Variants in ME3 observed in about 807,000 individuals in gnomAD.
The protein encoded by ME3 is malic enzyme 3.
In ME3, 48 loss-of-function variants were observed where a neutral mutation model predicts 68.9. That is an observed-to-expected ratio of 0.70 (90% CI 0.55 to 0.89). The LOEUF is 0.89. Ranked by LOEUF, ME3 falls within the 40% of genes least tolerant of loss-of-function variation. ME3 has a pLI of 0.00. For missense variants in ME3, 675 were observed against 797.4 expected (o/e 0.85, Z 1.85); for synonymous variants, 320 against 318.8 (o/e 1.00, Z -0.04).
chr11:86,590,828 A>G (rs1349582044), intron 2 of ME3, among the ~76,000 whole-genome samples: 1 of 152,218 alleles, frequency 6.6e-6, no homozygotes, highest in Non-Finnish European at 1.5e-5. Context: ...CAAGCAGGCA[A>G]GGATTGTTCC....
rs77329936 is a variant in ME3 at position 86,588,958 on chromosome 11, C to G, written c.184-29135G>C. ...GCTTGAGAGAGATTTCCTCCCCCTG[C>G]CCTCCCTCACCTCCCAGGGCCTGCT... On this transcript the variant is annotated intron_variant, in intron 2 of 14. Transcript: ENST00000543262. Among the ~76,000 whole-genome samples the G allele has an allele frequency of 8.3e-4, 127 of 152,290 alleles. 1 individual carries two copies. The Middle Eastern group carries it at 0.024, about 29-fold the overall frequency.
At chr11:86,607,155 A>G (rs999513066) in intron 2 of ME3, among the ~76,000 whole-genome samples, 2 of 152,158 alleles carry the variant, frequency 1.3e-5, no homozygotes, top group Non-Finnish European at 2.9e-5. Context: ...AATTCCATCA[A>G]CTTAACACAT....
intron 4 of ME3, among the ~76,000 whole-genome samples, chr11:86,545,342 T>G (rs11512882): frequency 0.072 from 10,941 of 152,138 alleles, 472 homozygotes; most frequent in Non-Finnish European, 0.1. Context: ...GAGAAAGAAA[T>G]AAAGGGTATT....
At chr11:86,651,147 C>A (rs1023786720) in intron 2 of ME3, among the ~76,000 whole-genome samples, 1 of 152,244 alleles carries the variant, frequency 6.6e-6, no homozygotes, top group African/African-American at 2.4e-5. Context: ...CTGCCTGCCT[C>A]TGTAGACTCC....
intron 2 of ME3, among the ~76,000 whole-genome samples, chr11:86,599,491 T>A (rs1194495377): frequency 1.3e-5 from 2 of 152,296 alleles, no homozygotes; most frequent in East Asian, 3.9e-4. Flanking sequence ...TACCTGAAAG[T>A]GACGGGGAGA....
At chr11:86,513,229 C>T (rs1279076156) in intron 4 of ME3, among the ~76,000 whole-genome samples, 1 of 152,168 alleles carries the variant, frequency 6.6e-6, no homozygotes, top group Non-Finnish European at 1.5e-5. Context: ...TAAGTTTGAG[C>T]TACTAAAATT....
At chr11:86,517,301 A>G (rs1239529263) in intron 4 of ME3, among the ~76,000 whole-genome samples, 1 of 152,186 alleles carries the variant, frequency 6.6e-6, no homozygotes, top group African/African-American at 2.4e-5. Flanking sequence ...CATAACCTGT[A>G]GAGTTCCAGA....
At chr11:86,663,886 C>G (rs1298207227) in intron 2 of ME3, among the ~76,000 whole-genome samples, 1 of 152,238 alleles carries the variant, frequency 6.6e-6, no homozygotes, top group Non-Finnish European at 1.5e-5. Flanking sequence ...TGTCAGTTGG[C>G]CCAGGTCTGG....
chr11:86,628,227 G>A (rs527416430), intron 2 of ME3, among the ~76,000 whole-genome samples: 4 of 152,242 alleles, frequency 2.6e-5, no homozygotes, highest in Non-Finnish European at 4.4e-5. Context: ...GTGAATAACA[G>A]TCAGTGTGGT....
chr11:86,629,209 C>T (rs926742869), intron 2 of ME3, among the ~76,000 whole-genome samples: 1 of 152,164 alleles, frequency 6.6e-6, no homozygotes, highest in South Asian at 2.1e-4. Context: ...TCTAGCATCT[C>T]GAGTTCATGT....
At chr11:86,599,162 G>A (rs1359091748) in intron 2 of ME3, among the ~76,000 whole-genome samples, 1 of 152,174 alleles carries the variant, frequency 6.6e-6, no homozygotes, top group Non-Finnish European at 1.5e-5. Flanking sequence ...TGAGCTACAG[G>A]AGGAAATTCA....
At chr11:86,603,412 C>T (rs1482498114) in intron 2 of ME3, among the ~76,000 whole-genome samples, 3 of 152,280 alleles carry the variant, frequency 2.0e-5, no homozygotes, top group East Asian at 3.9e-4. Flanking sequence ...CCATCTCACA[C>T]CAGTTAGAAT....
chr11:86,510,268 T>C (rs933911278), intron 4 of ME3, among the ~76,000 whole-genome samples: 6 of 152,212 alleles, frequency 3.9e-5, no homozygotes, highest in Non-Finnish European at 8.8e-5. Flanking sequence ...TGAACACTCA[T>C]CAGTCCCCAT....
At chr11:86,639,541 G>GGATA (rs762309681) in intron 2 of ME3, among the ~76,000 whole-genome samples, 7 of 141,386 alleles carry the variant, frequency 5.0e-5, no homozygotes, top group Middle Eastern at 3.4e-3. Flanking sequence ...AGGGTTCAGA[G>GGATA]GATACCCTTG....
At chr11:86,517,090 C>CA (rs112142537) in intron 4 of ME3, among the ~76,000 whole-genome samples, 14,726 of 152,096 alleles carry the variant, frequency 0.097, 979 homozygotes, top group East Asian at 0.26. Context: ...TCTTTCTGTC[C>CA]TTCGTGGAAG....
intron 6 of ME3, 27 bp downstream of exon 6, chr11:86,497,936 G>T: frequency 1.9e-6 from 3 of 1,554,544 alleles, no homozygotes; most frequent in South Asian, 1.2e-5. Flanking sequence ...TTTGGCCCCA[G>T]AGCTCCTGCC....
At chr11:86,543,317 A>G (rs888735795) in intron 4 of ME3, among the ~76,000 whole-genome samples, 2 of 152,244 alleles carry the variant, frequency 1.3e-5, no homozygotes, top group African/African-American at 2.4e-5. Flanking sequence ...TTAATCTTCA[A>G]TGTAAATGGG....
chr11:86,612,745 C>T lies in ME3; in HGVS notation c.184-52922G>A, dbSNP rs1160138193. 2.0e-5 allele frequency among the ~76,000 whole-genome samples: 3 copies of T among 152,088 alleles called. No homozygotes were observed. The East Asian group carries it at 5.8e-4, about 29-fold the overall frequency. ...AGTGTCTGTTCATATCCTTTGCCCA[C>T]TTTTTGATGTGGTTGTTTTTTTCTT... On this transcript the variant is annotated intron_variant, in intron 2 of 14. Coordinates refer to ENST00000543262, the Ensembl canonical transcript of ME3.
the ME3 span, chr11:86,436,087 G>A: frequency 6.6e-6 from 1 of 152,226 alleles, no homozygotes; most frequent in African/African-American, 2.4e-5. Context: ...CTGGGGCTAT[G>A]TATGGGAGGC....
Sources: gnomAD v4.1 joint callset for allele counts (sites outside exome capture counted in the v4.1 genomes callset) on GRCh38, gnomAD v4.1.1 for gene constraint, MANE v1.5 for transcripts, NCBI Gene and HGNC (gene_info 2026-07-23, HGNC 2026-07-21) for gene names.